Variants in PTPRG observed in about 807,000 individuals in gnomAD.
PTPRG encodes receptor-type tyrosine-protein phosphatase gamma.
A neutral mutation model predicts 165.3 loss-of-function variants in PTPRG; 102 were observed. The observed-to-expected ratio is 0.62, with a 90% CI of 0.53 to 0.73. The LOEUF (loss-of-function observed/expected upper bound fraction) is 0.73. Among genes scored for constraint, PTPRG ranks in the 30% least tolerant of loss-of-function variants. The pLI is 0.00. For synonymous variants in PTPRG, 675 were observed against 669.5 expected (o/e 1.01, Z -0.13); for missense variants, 1,866 against 1,861.4 (o/e 1.00, Z -0.05).
At chr3:62,171,561 C>T (rs1044961295) in intron 8 of PTPRG, among the ~76,000 whole-genome samples, 4 of 152,136 alleles carry the variant, frequency 2.6e-5, no homozygotes, top group African/African-American at 9.6e-5. Flanking sequence ...TGCCCATTTG[C>T]AGTCAGTTAT....
At chr3:62,032,925 A>C (rs982364678) in intron 4 of PTPRG, among the ~76,000 whole-genome samples, 2 of 152,202 alleles carry the variant, frequency 1.3e-5, no homozygotes, top group Non-Finnish European at 2.9e-5. Flanking sequence ...AGGCTTATCT[A>C]TAAATGCGCA....
At chr3:62,089,969 A>G (rs1358379978) in intron 5 of PTPRG, among the ~76,000 whole-genome samples, 3 of 152,196 alleles carry the variant, frequency 2.0e-5, no homozygotes, top group Non-Finnish European at 2.9e-5. Context: ...ACCTCCATGT[A>G]TCAACTGGCC....
intron 2 of PTPRG, among the ~76,000 whole-genome samples, chr3:61,754,894 T>C (rs1259828997): frequency 6.6e-6 from 1 of 152,184 alleles, no homozygotes; most frequent in Non-Finnish European, 1.5e-5. Flanking sequence ...AATATTGTTG[T>C]GTTATTTGCC....
intron 4 of PTPRG, among the ~76,000 whole-genome samples, chr3:62,073,844 G>A (rs1701289148): frequency 1.3e-5 from 2 of 152,126 alleles, no homozygotes; most frequent in Non-Finnish European, 2.9e-5. Flanking sequence ...TAAAGAAAGA[G>A]GCTCAGTAAC....
intron 4 of PTPRG, among the ~76,000 whole-genome samples, chr3:62,066,670 G>A (rs72889506): frequency 0.03 from 4,591 of 152,210 alleles, 232 homozygotes; most frequent in African/African-American, 0.099. Flanking sequence ...GCAAGGAAAC[G>A]TTGTTTCATT....
intron 4 of PTPRG, among the ~76,000 whole-genome samples, chr3:62,015,249 G>A (rs1181292029): frequency 5.9e-5 from 9 of 152,188 alleles, no homozygotes; most frequent in African/African-American, 2.2e-4. Flanking sequence ...AGGCACTGAG[G>A]CCCTGAGACA....
intron 1 of PTPRG, among the ~76,000 whole-genome samples, chr3:61,663,530 G>A (rs1392816903): frequency 6.6e-6 from 1 of 152,102 alleles, no homozygotes; most frequent in Non-Finnish European, 1.5e-5. Context: ...CCAGTTTTGT[G>A]GAAGACAATT....
intron 1 of PTPRG, among the ~76,000 whole-genome samples, chr3:61,682,433 T>G (rs1436097717): frequency 6.6e-6 from 1 of 152,154 alleles, no homozygotes; most frequent in Non-Finnish European, 1.5e-5. Context: ...TTGACAGTAA[T>G]GGGTATGGGT....
At chr3:61,836,204 C>G (rs573073788) in intron 2 of PTPRG, among the ~76,000 whole-genome samples, 1 of 152,170 alleles carries the variant, frequency 6.6e-6, no homozygotes, top group South Asian at 2.1e-4. Flanking sequence ...CCTTCCTTGT[C>G]TCTTCTCTTT....
intron 12 of PTPRG, among the ~76,000 whole-genome samples, chr3:62,212,033 GACGGAGAGAAAGAAAGGCTGT>G (rs1487442107): frequency 2.0e-5 from 3 of 151,586 alleles, no homozygotes; most frequent in Non-Finnish European, 4.4e-5. Context: ...CTGAAATAAA[GACGGAGAGAAAGAAAGGCTGT>G]ACGGAGAGAA....
chr3:62,272,274 A>T (rs1389430368), intron 21 of PTPRG, among the ~76,000 whole-genome samples: 1 of 152,182 alleles, frequency 6.6e-6, no homozygotes, highest in Non-Finnish European at 1.5e-5. Context: ...TATAGTATAT[A>T]TGAAAATATT....
intron 1 of PTPRG, among the ~76,000 whole-genome samples, chr3:61,747,328 T>G (rs944760850): frequency 6.6e-6 from 1 of 152,184 alleles, no homozygotes; most frequent in Non-Finnish European, 1.5e-5. Context: ...TACTCACTGT[T>G]TTGATGGAAA....
At chr3:62,002,778 C>G (rs2041204588) in intron 3 of PTPRG, among the ~76,000 whole-genome samples, 1 of 152,166 alleles carries the variant, frequency 6.6e-6, no homozygotes, top group African/African-American at 2.4e-5. Context: ...ATTACACTTT[C>G]CTGGGTACTG....
intron 2 of PTPRG, among the ~76,000 whole-genome samples, chr3:61,761,684 G>A (rs2033840445): frequency 6.6e-6 from 1 of 152,170 alleles, no homozygotes; most frequent in Admixed American, 6.5e-5. Flanking sequence ...GAATTGAGTT[G>A]ATCTTGAGAG....
chr3:61,726,844 C>A (rs1245202930), intron 1 of PTPRG, among the ~76,000 whole-genome samples: 1 of 152,060 alleles, frequency 6.6e-6, no homozygotes, highest in South Asian at 2.1e-4. Flanking sequence ...TCAGGAGATC[C>A]AGACCATCCT....
intron 4 of PTPRG, among the ~76,000 whole-genome samples, chr3:62,043,832 G>C (rs1209390106): frequency 6.6e-6 from 1 of 152,150 alleles, no homozygotes; most frequent in Non-Finnish European, 1.5e-5. Context: ...AAGAAAATAC[G>C]TGAATGAAGA....
At chr3:62,243,929 G>A in intron 15 of PTPRG, 31 bp downstream of exon 15, 1 of 1,270,528 alleles carries the variant, frequency 7.9e-7, no homozygotes, top group African/African-American at 1.5e-5. Flanking sequence ...ATTTCCAATG[G>A]GCTAATTGTT....
At chr3:62,034,510 G>C (rs539145444) in intron 4 of PTPRG, among the ~76,000 whole-genome samples, 1 of 152,354 alleles carries the variant, frequency 6.6e-6, no homozygotes, top group East Asian at 1.9e-4. Context: ...AAGCTGCTCA[G>C]AGCCATGTGT....
At chr3:61,626,298 G>C (rs181008754) in intron 1 of PTPRG, among the ~76,000 whole-genome samples, 28 of 152,126 alleles carry the variant, frequency 1.8e-4, no homozygotes, top group East Asian at 5.8e-4. Flanking sequence ...TTTGCTTTTT[G>C]TTTCTTTTCC....
Sources: gnomAD v4.1 joint callset for allele counts (sites outside exome capture counted in the v4.1 genomes callset) on GRCh38, gnomAD v4.1.1 for gene constraint, MANE v1.5 for transcripts, NCBI Gene and HGNC (gene_info 2026-07-23, HGNC 2026-07-21) for gene names.